Variants in CDC20B observed in about 807,000 individuals in gnomAD.
The protein encoded by CDC20B is cell division cycle 20B, also known as cell division cycle protein 20 homolog B.
In CDC20B, 58 loss-of-function variants were observed where a neutral mutation model predicts 64.1. The ratio of observed to expected loss-of-function variants is 0.90; its 90% CI spans 0.73 to 1.13. The LOEUF (loss-of-function observed/expected upper bound fraction) is 1.13, where lower values mean the gene tolerates loss of function less well. CDC20B is among the 50% of genes most tolerant of loss of function. CDC20B has a pLI of 0.00. For missense variants in CDC20B, 597 were observed against 633.0 expected, an observed-to-expected ratio of 0.94 and a Z score of 0.61; for synonymous variants, 243 against 230.6, an observed-to-expected ratio of 1.05 and a Z score of -0.49.
chr5:55,173,061 T>C lies in CDC20B; in HGVS notation c.-61A>G. ...CTCTGCTCGACTGCCTCTGGTTTTC[T>C]TCCCAGGTCTAAGTCAGTCTTGACG... On this transcript the variant is annotated 5_prime_UTR_variant, in exon 1 of 12. Coordinates refer to ENST00000381375, the MANE Select transcript of CDC20B (RefSeq NM_001170402.1). 6.8e-7 allele frequency: 1 copy of C among 1,466,138 alleles called. No homozygotes were observed. Among genetic ancestry groups the C allele is most frequent in the Non-Finnish European group, 9.4e-7 (1 of 1,063,490 alleles). 90.8% of individuals were successfully genotyped at this position (1,466,138 alleles called of 1,614,324 possible).
chr5:55,120,010 G>T (rs1219311211), intron 10 of CDC20B, 92 bp from the exon 11 acceptor site: 2 of 902,590 alleles, frequency 2.2e-6, no homozygotes, highest in Non-Finnish European at 3.6e-6. Flanking sequence ...CACTGTCCAT[G>T]ACCCAACCTC....
chr5:55,162,903 A>G (rs910288328), intron 2 of CDC20B, among the ~76,000 whole-genome samples: 4 of 152,230 alleles, frequency 2.6e-5, no homozygotes, highest in African/African-American at 9.6e-5. Flanking sequence ...GGTTAAGAGC[A>G]TGAGCTCTGG....
In CDC20B at chr5:55,146,682, C is replaced by T. The variant is rs778168504; in HGVS notation, c.301G>A (p.Glu101Lys). 1 of 1,614,134 alleles carries T rather than the reference C, an allele frequency of 6.2e-7. No homozygotes were observed. The highest frequency in any genetic ancestry group is 1.1e-5 in the South Asian group (1 of 91,086). Reference protein sequence around the residue: ...GEEQSTTYLPEASGSVLKTPP... With the variant: ...GEEQSTTYLPKASGSVLKTPP... Reference sequence around the variant, plus strand: ...GTCTTCAGCACTGATCCGGAAGCTTCTGGGAGGTAGGTGGTTGACTGCTCT... The same window carrying T: ...GTCTTCAGCACTGATCCGGAAGCTTTTGGGAGGTAGGTGGTTGACTGCTCT... Residue 101 changes from glutamate to lysine, a missense_variant, in exon 3 of 12, where the codon GAA becomes AAA. By Grantham distance (56) the Glu-to-Lys change is moderately conservative (BLOSUM62 1). Coordinates refer to ENST00000381375, the MANE Select transcript of CDC20B (RefSeq NM_001170402.1).
chr5:55,170,108 C>T (rs542150155), intron 2 of CDC20B, among the ~76,000 whole-genome samples: 1 of 147,840 alleles, frequency 6.8e-6, no homozygotes, highest in Non-Finnish European at 1.5e-5. Flanking sequence ...AGCGAGACTC[C>T]GTCTCAAAAA....
chr5:55,166,125 G>A (rs924373115), intron 2 of CDC20B: 2 of 152,238 alleles, frequency 1.3e-5, no homozygotes, highest in African/African-American at 2.4e-5. Flanking sequence ...TAGCAGTGCT[G>A]TGGCACTGCA....
At position 55,126,466 on chromosome 5, in the gene CDC20B, C is replaced by CAAAAAAAAA. The variant is rs34581363; in HGVS notation, c.989+782_989+790dup. On this transcript the variant is annotated intron_variant, in intron 8 of 11. Coordinates refer to ENST00000381375, the MANE Select transcript of CDC20B (RefSeq NM_001170402.1). Reference sequence around the variant, plus strand: ...TAGGTGACAGAGTGAGATTCCATGTCAAAAAAAAAAAAAAAAAAAAACAGT... The same window carrying CAAAAAAAAA: ...TAGGTGACAGAGTGAGATTCCATGTCAAAAAAAAAAAAAAAAAAAAAAAAAAAAAACAGT... 158 of 98,614 alleles carry CAAAAAAAAA rather than the reference C, an allele frequency of 1.6e-3. 10 individuals carry two copies. In the East Asian group the frequency reaches 0.024, roughly 15 times the overall value. The allele number at this position is 98,614 out of a possible 1,614,324, so 6.1% of individuals were successfully genotyped here. A position where few individuals can be genotyped will look rare whatever the true frequency, so the allele number is the denominator to read the frequency against.
chr5:55,164,224 C>T (rs1479520735), intron 2 of CDC20B: 8 of 1,518,088 alleles, frequency 5.3e-6, no homozygotes, highest in Non-Finnish European at 6.2e-6. Context: ...TATGAGAATG[C>T]CATTGCGTTT....
At chr5:55,172,529 G>T in intron 2 of CDC20B, 59 bp downstream of exon 2, 1 of 1,295,830 alleles carries the variant, frequency 7.7e-7, no homozygotes, top group Non-Finnish European at 1.1e-6. Flanking sequence ...TATTTACCAA[G>T]AATTCGTTTG....
In CDC20B at chr5:55,137,111, AG is replaced by A. The variant is rs371708882; in HGVS notation, c.580+3202del. ...AGAATCGCTTGAACCCGGGAGACAG[AG>A]GTTGCAGTGAACTGAGATCGCGCCA... On this transcript the variant is annotated intron_variant, in intron 5 of 11. Transcript: ENST00000381375. 279 of 153,278 alleles carry A rather than the reference AG, an allele frequency of 1.8e-3. 2 individuals carry two copies. The Middle Eastern group carries it at 0.02, about 11-fold the overall frequency. 9.5% of individuals were successfully genotyped at this position (153,278 alleles called of 1,614,324 possible).
chr5:55,160,206 C>T (rs961396571), intron 2 of CDC20B: 1 of 1,613,690 alleles, frequency 6.2e-7, no homozygotes, highest in Admixed American at 1.7e-5. Context: ...GAGCCTCTTG[C>T]AGCTTACCCG....
At chr5:55,139,704 T>C (rs409095) in intron 5 of CDC20B, among the ~76,000 whole-genome samples, 112,979 of 152,136 alleles carry the variant, frequency 0.74, 42,278 homozygotes, top group East Asian at 0.81. Flanking sequence ...GATATAAGCA[T>C]GTCGAGAAAC....
chr5:55,124,836 C>T lies in CDC20B; in HGVS notation c.1182G>A (p.Pro394=), dbSNP rs2111813039. The change falls in exon 9 of 12, where the codon CCG becomes CCA. Residue 394 remains proline, a synonymous_variant. Coordinates refer to ENST00000381375, the MANE Select transcript of CDC20B (RefSeq NM_001170402.1). The part of the protein sequence containing the change: ...HDPGASAQGQ[P]LKVITQSTAV... ...CCGTAGACTGGGTTATGACTTTCAG[C>T]GGTTGGCCCTGTGCACTGGCACCTG... The T allele has an allele frequency of 1.2e-6, 2 of 1,614,100 alleles. No homozygotes were observed. The highest frequency in any genetic ancestry group is 1.7e-6 in the Non-Finnish European group (2 of 1,179,970).
intron 11 of CDC20B, among the ~76,000 whole-genome samples, chr5:55,115,113 T>C (rs1277697800): frequency 6.6e-6 from 1 of 152,046 alleles, no homozygotes; most frequent in Non-Finnish European, 1.5e-5. Flanking sequence ...TCAGATAAAC[T>C]GAAGCAGCTT....
chr5:55,145,315 C>G lies in CDC20B; in HGVS notation c.355+1313G>C, dbSNP rs543978479. Among the ~76,000 whole-genome samples the G allele has an allele frequency of 5.6e-4, 85 of 152,312 alleles. 1 individual carries two copies. The highest frequency in any genetic ancestry group is 5.3e-4 in the Non-Finnish European group (36 of 68,026). Reference sequence around the variant, plus strand: ...GGAATTTCATTGATTTGAAAAAAATCTGGGCTCCCTTTCAATCTGCAGAAC... The same window carrying G: ...GGAATTTCATTGATTTGAAAAAAATGTGGGCTCCCTTTCAATCTGCAGAAC... On this transcript the variant is annotated intron_variant, in intron 3 of 11. Coordinates refer to ENST00000381375, the MANE Select transcript of CDC20B (RefSeq NM_001170402.1).
chr5:55,125,052 A>T lies in CDC20B; in HGVS notation c.990-24T>A, dbSNP rs188649993. On this transcript the variant is annotated intron_variant, in intron 8 of 11. Transcript: ENST00000381375. ...CACTGCGAGTTTACATAACAAAAAA[A>T]TTAAGCCCTGTTGCTACATAAACAT... is the stretch of plus-strand genomic sequence containing the variant. 2.0e-3 allele frequency: 3,202 copies of T among 1,586,684 alleles called. 4 individuals carry two copies. The highest frequency in any genetic ancestry group is 2.3e-3 in the Non-Finnish European group (2,632 of 1,156,276).
At chr5:55,133,586 C>T (rs961704021) in intron 5 of CDC20B, 58 bp from the exon 6 acceptor site, 2 of 746,334 alleles carry the variant, frequency 2.7e-6, no homozygotes, top group Non-Finnish European at 4.1e-6. Context: ...AATATTTATT[C>T]TTGTGGGAAT....
intron 2 of CDC20B, chr5:55,160,495 T>C (rs1743989191): frequency 1.2e-6 from 1 of 841,418 alleles, no homozygotes; most frequent in African/African-American, 1.7e-5. Flanking sequence ...GGTCATAAGT[T>C]GGAATTTAGT....
Position 55,124,822 on chromosome 5 carries a change from G to T in CDC20B, c.1196C>A (p.Thr399Asn). The T allele has an allele frequency of 1.2e-6, 2 of 1,614,064 alleles. No homozygotes were observed. Among genetic ancestry groups the T allele is most frequent in the African/African-American group, 1.3e-5 (1 of 75,028 alleles). The change falls in exon 9 of 12, where the codon ACC (threonine) becomes AAC (asparagine). Residue 399 changes from threonine to asparagine, a missense_variant. This residue lies in a region of CDC20B where 353 missense variants were observed against 397.0 expected (regional missense o/e 0.89). Transcript: ENST00000381375. ...SAQGQPLKVI[T>N]QSTAVKAMDW... is the part of the protein sequence containing the mutation. ...TCTTACCTTGACTGCCGTAGACTGG[G>T]TTATGACTTTCAGCGGTTGGCCCTG...
chr5:55,126,766 C>A (rs114794772), intron 8 of CDC20B, among the ~76,000 whole-genome samples: 303 of 152,254 alleles, frequency 2.0e-3, no homozygotes, highest in African/African-American at 6.9e-3. Flanking sequence ...CAGCAATCTG[C>A]ATTTTGAGGA....
Sources: allele counts gnomAD v4.1 joint callset (sites outside exome capture counted in the v4.1 genomes callset), GRCh38; gene constraint gnomAD v4.1.1; regional missense constraint gnomAD v4.1.1; transcripts MANE v1.5; gene names NCBI Gene and HGNC (gene_info 2026-07-23, HGNC 2026-07-21).